Variants in ZNF407 observed in about 807,000 individuals in gnomAD.
ZNF407 encodes the protein zinc finger protein 407.
In ZNF407, 17 loss-of-function variants were observed where a neutral mutation model predicts 131.2. The ratio of observed to expected loss-of-function variants is 0.13; its 90% CI spans 0.09 to 0.19. ZNF407 has a LOEUF of 0.19. ZNF407 is among the 10% of genes least tolerant of loss of function. ZNF407 has a pLI of 1.00. For synonymous variants in ZNF407, 1,156 were observed against 1,062.0 expected (o/e 1.09, Z -1.72); for missense variants, 2,681 against 2,830.6 (o/e 0.95, Z 1.20).
At chr18:74,683,497 A>G (rs546873703) in intron 3 of ZNF407, among the ~76,000 whole-genome samples, 2 of 152,306 alleles carry the variant, frequency 1.3e-5, no homozygotes, top group South Asian at 4.1e-4. Context: ...TGCTCTGAAG[A>G]ACACTTTATG....
chr18:74,693,124 C>T (rs1967268772), intron 3 of ZNF407, among the ~76,000 whole-genome samples: 1 of 152,212 alleles, frequency 6.6e-6, no homozygotes, highest in Non-Finnish European at 1.5e-5. Context: ...TCCATTTGTG[C>T]AGTGGCTGCA....
intron 3 of ZNF407, among the ~76,000 whole-genome samples, chr18:74,742,744 A>G (rs184490466): frequency 1.3e-5 from 2 of 152,240 alleles, no homozygotes; most frequent in Admixed American, 6.5e-5. Context: ...GTGTACTCCA[A>G]GAGCAGTGAT....
intron 6 of ZNF407, among the ~76,000 whole-genome samples, chr18:74,887,731 T>C (rs1971329460): frequency 6.6e-6 from 1 of 152,200 alleles, no homozygotes; most frequent in African/African-American, 2.4e-5. Context: ...AAGTGTACTC[T>C]TTCCATATTT....
At chr18:74,691,591 A>G (rs753621596) in intron 3 of ZNF407, among the ~76,000 whole-genome samples, 3 of 151,858 alleles carry the variant, frequency 2.0e-5, no homozygotes, top group Non-Finnish European at 4.4e-5. Context: ...TATCTAATAT[A>G]TATTAATTTG....
intron 3 of ZNF407, among the ~76,000 whole-genome samples, chr18:74,741,771 G>A (rs139502745): frequency 1.8e-4 from 28 of 152,164 alleles, no homozygotes; most frequent in East Asian, 5.8e-4. Context: ...CATGAAAACC[G>A]CCCCTCAGAT....
At chr18:74,781,766 A>C (rs1969607781) in intron 4 of ZNF407, among the ~76,000 whole-genome samples, 2 of 152,176 alleles carry the variant, frequency 1.3e-5, no homozygotes, top group South Asian at 4.1e-4. Flanking sequence ...AGAAGAATTA[A>C]ATTGGAGGGA....
rs113176578 is a variant in ZNF407 at position 74,703,656 on chromosome 18, G to A, written c.4802+62534G>A. 0.015 allele frequency among the ~76,000 whole-genome samples: 2,206 copies of A among 152,082 alleles called. 63 individuals carry two copies. Among genetic ancestry groups the A allele is most frequent in the African/African-American group, 0.051 (2,110 of 41,488 alleles). ...GCTGGGATTACAGTTGTGAGCCACC[G>A]TGCCCAGCCTAGATCTCTTTTATGG... On this transcript the variant is annotated intron_variant, in intron 3 of 8. Transcript: ENST00000299687. The surrounding 1 kb of genome is among the most constrained non-coding windows in gnomAD (Gnocchi z 4.1).
At chr18:74,909,592 T>C (rs1328341263) in intron 7 of ZNF407, among the ~76,000 whole-genome samples, 1 of 152,202 alleles carries the variant, frequency 6.6e-6, no homozygotes, top group African/African-American at 2.4e-5. Flanking sequence ...GTACACATTG[T>C]GAGTTTCTAA....
chr18:74,735,246 G>T (rs942810306), intron 3 of ZNF407, among the ~76,000 whole-genome samples: 1 of 152,154 alleles, frequency 6.6e-6, no homozygotes, highest in Non-Finnish European at 1.5e-5. Context: ...TTTATGCTGT[G>T]TGATATTTGT....
At chr18:74,992,667 G>A (rs1222753801) in intron 8 of ZNF407, among the ~76,000 whole-genome samples, 1 of 152,186 alleles carries the variant, frequency 6.6e-6, no homozygotes, top group Non-Finnish European at 1.5e-5. Flanking sequence ...GTCTCCCCTG[G>A]GACAGTTGGA....
At chr18:74,924,166 A>G (rs1321867019) in intron 8 of ZNF407, among the ~76,000 whole-genome samples, 5 of 152,178 alleles carry the variant, frequency 3.3e-5, no homozygotes, top group Non-Finnish European at 7.4e-5. Context: ...ATGATCTTAG[A>G]AGTCAGAGTT....
intron 8 of ZNF407, among the ~76,000 whole-genome samples, chr18:74,935,740 G>A (rs1008704642): frequency 1.3e-5 from 2 of 152,192 alleles, no homozygotes; most frequent in African/African-American, 2.4e-5. Flanking sequence ...CGAGCAGGCA[G>A]AAGAGACTGT....
At chr18:74,951,199 TAC>T (rs1447650479) in intron 8 of ZNF407, among the ~76,000 whole-genome samples, 2 of 152,286 alleles carry the variant, frequency 1.3e-5, no homozygotes, top group Non-Finnish European at 2.9e-5. Context: ...TTCTCTATGA[TAC>T]AGACATTTTA....
intron 8 of ZNF407, among the ~76,000 whole-genome samples, chr18:74,965,386 A>G (rs2145297026): frequency 6.6e-6 from 1 of 152,140 alleles, no homozygotes; most frequent in Non-Finnish European, 1.5e-5. Context: ...AGATCCCACA[A>G]ATAAATGAGA....
intron 4 of ZNF407, among the ~76,000 whole-genome samples, chr18:74,787,618 A>G (rs78869087): frequency 0.019 from 2,919 of 152,242 alleles, 35 homozygotes; most frequent in Middle Eastern, 0.037. Flanking sequence ...TACATCATCA[A>G]ATGCGACATC....
intron 8 of ZNF407, among the ~76,000 whole-genome samples, chr18:74,986,329 A>G (rs1031782980): frequency 2.0e-5 from 3 of 152,160 alleles, no homozygotes; most frequent in African/African-American, 4.8e-5. Flanking sequence ...TAACTACGTC[A>G]TGTACTCTGT....
At chr18:75,034,727 C>T (rs183021649) in intron 8 of ZNF407, among the ~76,000 whole-genome samples, 3 of 152,144 alleles carry the variant, frequency 2.0e-5, no homozygotes, top group East Asian at 3.9e-4. Context: ...TAATTAGGTA[C>T]ATTTTGTCAT....
chr18:75,025,818 T>C (rs1973164501), intron 8 of ZNF407, among the ~76,000 whole-genome samples: 2 of 152,224 alleles, frequency 1.3e-5, no homozygotes, highest in South Asian at 4.1e-4. Flanking sequence ...GTCATTATGC[T>C]GCCAAGTGTG....
chr18:74,874,176 T>G (rs1022621614), intron 4 of ZNF407, among the ~76,000 whole-genome samples: 1 of 152,144 alleles, frequency 6.6e-6, no homozygotes, highest in African/African-American at 2.4e-5. Context: ...GGGCTTCAAT[T>G]TTCTGGGCCG....
Sources: gnomAD v4.1 joint callset for allele counts (sites outside exome capture counted in the v4.1 genomes callset) on GRCh38, gnomAD v4.1.1 for gene constraint, Gnocchi (gnomAD v3.1) non-coding constraint, MANE v1.5 for transcripts, NCBI Gene and HGNC (gene_info 2026-07-23, HGNC 2026-07-21) for gene names.